Variants in PTPRM observed in about 807,000 individuals in gnomAD.
PTPRM encodes protein tyrosine phosphatase receptor type M, also known as receptor-type tyrosine-protein phosphatase mu.
A neutral mutation model predicts 186.7 loss-of-function variants in PTPRM; 47 were observed. The ratio of observed to expected loss-of-function variants is 0.25; its 90% CI spans 0.20 to 0.32. The LOEUF is 0.32. PTPRM is among the 10% of genes least tolerant of loss of function. The pLI is 1.00. For synonymous variants in PTPRM, 668 were observed against 674.9 expected, an observed-to-expected ratio of 0.99 and a Z score of 0.16; for missense variants, 1,494 against 1,865.0, an observed-to-expected ratio of 0.80 and a Z score of 3.66.
At chr18:7,963,965 T>C (rs2053849838) in intron 7 of PTPRM, among the ~76,000 whole-genome samples, 1 of 152,206 alleles carries the variant, frequency 6.6e-6, no homozygotes, top group African/African-American at 2.4e-5. Flanking sequence ...AGACATCTAC[T>C]AAATCTGCTT....
intron 7 of PTPRM, among the ~76,000 whole-genome samples, chr18:8,052,363 G>T (rs980598293): frequency 6.6e-6 from 1 of 152,090 alleles, no homozygotes; most frequent in Admixed American, 6.6e-5. Context: ...TACCACTGTG[G>T]TCCCATATGA....
intron 22 of PTPRM, among the ~76,000 whole-genome samples, chr18:8,341,765 G>A (rs1048056659): frequency 6.6e-6 from 1 of 151,490 alleles, no homozygotes; most frequent in Non-Finnish European, 1.5e-5. Flanking sequence ...TTGTGAATAA[G>A]TAACAAGCTG....
chr18:8,248,204 T>C, intron 17 of PTPRM, 28 bp downstream of exon 17: 1 of 1,521,144 alleles, frequency 6.6e-7, no homozygotes, highest in South Asian at 1.1e-5. Context: ...TACCACAGTT[T>C]ATTGCAGGAG....
intron 2 of PTPRM, among the ~76,000 whole-genome samples, chr18:7,826,001 T>C (rs1051941124): frequency 7.2e-5 from 11 of 152,216 alleles, no homozygotes; most frequent in Non-Finnish European, 1.5e-4. Flanking sequence ...TACATGTGTC[T>C]GGTGTTAACA....
intron 1 of PTPRM, among the ~76,000 whole-genome samples, chr18:7,745,592 A>G (rs1205941358): frequency 6.6e-6 from 1 of 152,220 alleles, no homozygotes; most frequent in African/African-American, 2.4e-5. Context: ...GACTCATCAC[A>G]ATTACTGATT....
intron 2 of PTPRM, among the ~76,000 whole-genome samples, chr18:7,850,666 G>C (rs933520829): frequency 6.6e-6 from 1 of 152,184 alleles, no homozygotes; most frequent in African/African-American, 2.4e-5. Flanking sequence ...TTCTCACAGT[G>C]ACTGAAGCCA....
intron 7 of PTPRM, among the ~76,000 whole-genome samples, chr18:8,009,448 G>T (rs999895085): frequency 1.3e-5 from 2 of 152,094 alleles, no homozygotes; most frequent in Admixed American, 6.6e-5. Context: ...GGTGGCCCAT[G>T]CCTGTAATCC....
At chr18:8,310,836 G>C (rs894723839) in intron 20 of PTPRM, among the ~76,000 whole-genome samples, 2 of 152,170 alleles carry the variant, frequency 1.3e-5, no homozygotes, top group Non-Finnish European at 2.9e-5. Context: ...GCATATAGCA[G>C]ATACTCAAAA....
rs559897417 is a variant in PTPRM at position 8,386,274 on chromosome 18, C to T, written c.4045-798C>T. Among the ~76,000 whole-genome samples, 5 of 152,170 alleles carry T rather than the reference C, an allele frequency of 3.3e-5. No homozygotes were observed. In the South Asian group the frequency reaches 8.3e-4, roughly 25 times the overall value. ...TTGGGATATTGGTAATATCTAAAGC[C>T]GTGAGCCTGAATGAAATCAAATGAG... is the stretch of plus-strand genomic sequence containing the variant. On this transcript the variant is annotated intron_variant, in intron 30 of 32. Transcript: ENST00000580170.
chr18:7,954,464 G>A (rs117522395), intron 6 of PTPRM, among the ~76,000 whole-genome samples: 1 of 152,258 alleles, frequency 6.6e-6, no homozygotes, highest in Admixed American at 6.5e-5. Flanking sequence ...AGTCATCCTG[G>A]AAATGTATTT....
At chr18:8,080,192 T>A (rs1228293201) in intron 9 of PTPRM, among the ~76,000 whole-genome samples, 5 of 152,136 alleles carry the variant, frequency 3.3e-5, no homozygotes, top group Non-Finnish European at 7.4e-5. Context: ...ATTAGGGAGA[T>A]TCTATCAAAA....
At chr18:8,055,774 G>T (rs1395378763) in intron 7 of PTPRM, among the ~76,000 whole-genome samples, 2 of 152,164 alleles carry the variant, frequency 1.3e-5, no homozygotes, top group African/African-American at 2.4e-5. Flanking sequence ...TAGAAGATTT[G>T]TATTTGTGTT....
At chr18:8,282,402 C>T (rs1009484201) in intron 19 of PTPRM, among the ~76,000 whole-genome samples, 1 of 152,186 alleles carries the variant, frequency 6.6e-6, no homozygotes, top group Admixed American at 6.5e-5. Context: ...GTGGCTTACA[C>T]CTGTAATTCC....
chr18:7,588,539 G>A (rs2037041018), intron 1 of PTPRM, among the ~76,000 whole-genome samples: 1 of 152,114 alleles, frequency 6.6e-6, no homozygotes, highest in Non-Finnish European at 1.5e-5. Context: ...AATTTGGAAA[G>A]CATTGCAATT....
intron 2 of PTPRM, among the ~76,000 whole-genome samples, chr18:7,850,400 A>G (rs1471313850): frequency 2.6e-5 from 4 of 151,930 alleles, no homozygotes; most frequent in Admixed American, 6.6e-5. Flanking sequence ...GAGATCTACA[A>G]GATAGCAAGA....
At chr18:7,835,977 T>C (rs2046028854) in intron 2 of PTPRM, among the ~76,000 whole-genome samples, 1 of 152,168 alleles carries the variant, frequency 6.6e-6, no homozygotes, top group Admixed American at 6.5e-5. Flanking sequence ...ATTTTTAGTT[T>C]ACCTGTGTCT....
chr18:8,401,689 C>T (rs1193344601), intron 32 of PTPRM, among the ~76,000 whole-genome samples: 2 of 152,238 alleles, frequency 1.3e-5, no homozygotes, highest in Non-Finnish European at 2.9e-5. Flanking sequence ...AGGCAGCCTG[C>T]GCAGACGACA....
At chr18:7,575,832 G>A (rs953749866) in intron 1 of PTPRM, among the ~76,000 whole-genome samples, 1 of 152,160 alleles carries the variant, frequency 6.6e-6, no homozygotes, top group Admixed American at 6.5e-5. Context: ...ATGAAAATCT[G>A]CCTGGAAATC....
intron 1 of PTPRM, among the ~76,000 whole-genome samples, chr18:7,623,842 G>A (rs1187470579): frequency 6.6e-6 from 1 of 152,158 alleles, no homozygotes; most frequent in African/African-American, 2.4e-5. Flanking sequence ...ACAAACTGGT[G>A]GCTGCAAGCT....
Sources: gnomAD v4.1 joint callset for allele counts (sites outside exome capture counted in the v4.1 genomes callset) on GRCh38, gnomAD v4.1.1 for gene constraint, MANE v1.5 for transcripts, NCBI Gene and HGNC (gene_info 2026-07-23, HGNC 2026-07-21) for gene names.